CCT7: variants seen among roughly 807,000 people sequenced by gnomAD.
CCT7 encodes the protein T-complex protein 1 subunit eta.
In CCT7, 16 loss-of-function variants were observed where a neutral mutation model predicts 56.6. The ratio of observed to expected loss-of-function variants is 0.28; its 90% CI spans 0.19 to 0.43. The LOEUF is 0.43. Among genes scored for constraint, CCT7 ranks in the 20% least tolerant of loss-of-function variants. The pLI is 1.00. For synonymous variants in CCT7, 262 were observed against 254.8 expected (o/e 1.03, Z -0.27); for missense variants, 519 against 685.6 (o/e 0.76, Z 2.71).
In CCT7 at chr2:73,249,013, C is replaced by G. The variant is rs1160850852; in HGVS notation, c.806C>G (p.Ala269Gly). The change falls in exon 8 of 12, where the codon GCT (alanine) becomes GGT (glycine). Residue 269 changes from alanine (A) to glycine (G), a missense_variant. Around this residue, in one of 3 missense-constraint regions of CCT7, gnomAD observed 276 missense variants for 357.3 expected, o/e 0.77. Transcript: ENST00000258091. ...CAGGATTATCAGGCAATTGTTGATG[C>G]TGAGTGGAACATTCTCTATGACAAG... ...TVEDYQAIVD[A>G]EWNILYDKLE... The G allele has an allele frequency of 1.9e-6, 3 of 1,612,952 alleles. 1 individual carries two copies. The African/African-American group carries it at 4.0e-5, about 22-fold the overall frequency.
intron 11 of CCT7, 69 bp downstream of exon 11, chr2:73,251,501 C>G (rs1385560858): frequency 7.1e-7 from 1 of 1,399,350 alleles, no homozygotes; most frequent in African/African-American, 1.4e-5. Flanking sequence ...GTGAGCTGTG[C>G]TTACTCAAGC....
intron 5 of CCT7, chr2:73,244,334 C>T (rs1687240836): frequency 8.3e-6 from 5 of 601,242 alleles, no homozygotes; most frequent in Non-Finnish European, 8.7e-6. Flanking sequence ...ACAAAAGAAG[C>T]TGTCGACTGT....
chr2:73,250,230 G>GC, intron 9 of CCT7, 76 bp from the exon 10 acceptor site: 1 of 1,549,154 alleles, frequency 6.5e-7, no homozygotes, highest in African/African-American at 1.4e-5. Flanking sequence ...GTGTTGGGGG[G>GC]GCTGGCAGTG....
intron 1 of CCT7, among the ~76,000 whole-genome samples, chr2:73,236,234 G>A (rs1427505325): frequency 6.6e-6 from 1 of 152,246 alleles, no homozygotes; most frequent in Non-Finnish European, 1.5e-5. Flanking sequence ...GCTTAATGAT[G>A]CTTAGTGAAA....
chr2:73,234,944 C>T (rs992461113), intron 1 of CCT7, among the ~76,000 whole-genome samples: 2 of 152,186 alleles, frequency 1.3e-5, no homozygotes, highest in Non-Finnish European at 2.9e-5. Context: ...TTCGCTCAGT[C>T]ATTAAATAAA....
intron 11 of CCT7, 108 bp downstream of exon 11, chr2:73,251,540 GCAACTCCCCC>G: frequency 1.1e-6 from 1 of 937,330 alleles, no homozygotes; most frequent in Non-Finnish European, 1.6e-6. Flanking sequence ...GAGATAGGCT[GCAACTCCCCC>G]CAGCCTGTCT....
chr2:73,236,238 A>G (rs1431724642), intron 1 of CCT7, among the ~76,000 whole-genome samples: 1 of 152,250 alleles, frequency 6.6e-6, no homozygotes, highest in Admixed American at 6.5e-5. Flanking sequence ...AATGATGCTT[A>G]GTGAAAGTTT....
rs755390506 is a variant in CCT7, at chr2:73,249,815, C to G, written c.973-4C>G. 11 of 1,607,368 alleles carry G rather than the reference C, an allele frequency of 6.8e-6. No individual in the cohort carries two copies. Among genetic ancestry groups the G allele is most frequent in the Admixed American group, 3.3e-5 (2 of 59,998 alleles). ...TGCTAGATCTTGCCTTCCTTGCTCC[C>G]TAGGCCTGTGGAGGCTCAATCCAGA... On this transcript the variant is annotated splice_polypyrimidine_tract_variant and splice_region_variant and intron_variant, in intron 8 of 11. Coordinates refer to ENST00000258091, the MANE Select transcript of CCT7 (RefSeq NM_006429.4).
At chr2:73,246,633 A>G (rs1234468220) in intron 6 of CCT7, among the ~76,000 whole-genome samples, 2 of 152,206 alleles carry the variant, frequency 1.3e-5, no homozygotes, top group Non-Finnish European at 2.9e-5. Context: ...AGATCCTTCT[A>G]AACTGGCCCC....
At chr2:73,250,063 A>G (rs1351903184) in intron 9 of CCT7, 147 bp downstream of exon 9, 2 of 722,488 alleles carry the variant, frequency 2.8e-6, no homozygotes, top group African/African-American at 3.5e-5. Flanking sequence ...TTTGAGCCAT[A>G]AAGAGCTCAG....
Position 73,250,350 on chromosome 2 carries a change from T to G in CCT7, c.1115T>G (p.Phe372Cys). ...TGCCCCAAGGCCAAGACATGCACCTTCATTCTCCGTGGCGGCGCCGAGCAG... is the reference window on the plus strand; with the variant it reads ...TGCCCCAAGGCCAAGACATGCACCTGCATTCTCCGTGGCGGCGCCGAGCAG... ...TGCPKAKTCT[F>C]ILRGGAEQFM... The change falls in exon 10 of 12, where the codon TTC (phenylalanine) becomes TGC (cysteine). Residue 372 changes from phenylalanine (F) to cysteine (C), a missense_variant. By Grantham distance (205) the Phe-to-Cys change is radical. Around this residue, in one of 3 missense-constraint regions of CCT7, gnomAD observed 237 missense variants for 300.8 expected, o/e 0.79. Coordinates refer to ENST00000258091, the MANE Select transcript of CCT7 (RefSeq NM_006429.4). The G allele has an allele frequency of 6.2e-7, 1 of 1,614,122 alleles. No individual in the cohort carries two copies. Among genetic ancestry groups the G allele is most frequent in the Non-Finnish European group, 8.5e-7 (1 of 1,180,012 alleles).
rs928338505 is a variant in CCT7, at chr2:73,239,959, AGCCC to A, written c.160+165_160+168del. 7.7e-6 allele frequency: 5 copies of A among 649,500 alleles called. No homozygotes were observed. The Admixed American group carries it at 1.5e-4, about 20-fold the overall frequency. The allele number at this position is 649,500 out of a possible 1,614,324, so 40.2% of individuals were successfully genotyped here. A position where few individuals can be genotyped will look rare whatever the true frequency, so the allele number is the denominator to read the frequency against. Reference sequence around the variant, plus strand: ...AATTCTTATATTGTCCTGACTGCTGAGCCCGTGTGGGACTATATGAGAGAACCTA... The same window carrying A: ...AATTCTTATATTGTCCTGACTGCTGAGTGTGGGACTATATGAGAGAACCTA... On this transcript the variant is annotated intron_variant, in intron 2 of 11. Transcript: ENST00000258091.
rs780169209 is a variant in CCT7, at chr2:73,244,060, A to G, written c.446+11A>G. On this transcript the variant is annotated intron_variant, in intron 5 of 11. Transcript: ENST00000258091. Reference sequence around the variant, plus strand: ...GAAGGCAGATAAAGTGTAAGTCTGTAGTGGGTTTTTTTTTTTTTTTTTAAA... The same window carrying G: ...GAAGGCAGATAAAGTGTAAGTCTGTGGTGGGTTTTTTTTTTTTTTTTTAAA... The G allele has an allele frequency of 3.9e-6, 6 of 1,535,912 alleles. No homozygotes were observed. The African/African-American group carries it at 5.6e-5, about 14-fold the overall frequency.
rs1428986597 is a variant in CCT7 at position 73,243,149 on chromosome 2, CCTT to C, written c.393+23_393+25del. On this transcript the variant is annotated intron_variant, in intron 4 of 11. Coordinates refer to ENST00000258091, the MANE Select transcript of CCT7 (RefSeq NM_006429.4). ...CAGCTGGTATGGCAGTACTGATTAA[CCTT>C]CTCTTGGGCCTGGACACCTTCACAT... 2 of 1,611,132 alleles carry C rather than the reference CCTT, an allele frequency of 1.2e-6. No homozygotes were observed. The highest frequency in any genetic ancestry group is 1.1e-5 in the South Asian group (1 of 90,962).
chr2:73,251,115 G>A, intron 10 of CCT7, 111 bp from the exon 11 acceptor site: 2 of 947,100 alleles, frequency 2.1e-6, no homozygotes. Context: ...TTGGGATGGA[G>A]GAAGGAATGA....
At chr2:73,235,473 C>G (rs1339854177) in intron 1 of CCT7, 3 of 821,742 alleles carry the variant, frequency 3.7e-6, no homozygotes, top group Non-Finnish European at 4.5e-6. Context: ...TACCAAATGC[C>G]CTATGAATCC....
intron 1 of CCT7, chr2:73,235,555 C>T: frequency 1.0e-6 from 1 of 1,002,150 alleles, no homozygotes; most frequent in South Asian, 4.7e-5. Flanking sequence ...TCTAGCATTG[C>T]TCATTCTTGA....
chr2:73,236,964 A>G (rs945053243), intron 1 of CCT7, among the ~76,000 whole-genome samples: 1 of 152,202 alleles, frequency 6.6e-6, no homozygotes, highest in African/African-American at 2.4e-5. Flanking sequence ...TTTCTCCCCA[A>G]AAGTCAAGAA....
At chr2:73,248,517 A>AT (rs1324235180) in intron 7 of CCT7, among the ~76,000 whole-genome samples, 3 of 151,096 alleles carry the variant, frequency 2.0e-5, no homozygotes, top group African/African-American at 7.3e-5. Flanking sequence ...TGCCCAGCTA[A>AT]TTTTTTTTTG....
Sources: gnomAD v4.1 joint callset for allele counts (sites outside exome capture counted in the v4.1 genomes callset) on GRCh38, gnomAD v4.1.1 for gene constraint, gnomAD v4.1.1 regional missense constraint, MANE v1.5 for transcripts, NCBI Gene and HGNC (gene_info 2026-07-23, HGNC 2026-07-21) for gene names.